TNFRSF21: variants seen among roughly 807,000 people sequenced by gnomAD.
TNFRSF21 encodes TNF receptor superfamily member 21, also known as tumor necrosis factor receptor superfamily member 21.
A neutral mutation model predicts 45.6 loss-of-function variants in TNFRSF21; 19 were observed. That is an observed-to-expected ratio of 0.42 (90% CI 0.29 to 0.61). The LOEUF (loss-of-function observed/expected upper bound fraction) is 0.61. Among genes scored for constraint, TNFRSF21 ranks in the 20% least tolerant of loss-of-function variants. The pLI is 0.23. For synonymous variants in TNFRSF21, 314 were observed against 335.5 expected, an observed-to-expected ratio of 0.94 and a Z score of 0.70; for missense variants, 737 against 851.5, an observed-to-expected ratio of 0.87 and a Z score of 1.67.
rs752242950 is a variant in TNFRSF21 at position 47,286,528 on chromosome 6, C to A, written c.164G>T (p.Arg55Leu). The change falls in exon 2 of 6, where the codon CGC (arginine) becomes CTC (leucine). Residue 55 changes from arginine to leucine, a missense_variant. Transcript: ENST00000296861. ...QKASNLIGTYRHVDRATGQVL... is the reference protein window; with the variant it reads ...QKASNLIGTYLHVDRATGQVL... ...CTGGCCGGTGGCACGGTCAACATGG[C>A]GGTATGTGCCAATGAGATTCGAGGC... 5 of 1,613,986 alleles carry A rather than the reference C, an allele frequency of 3.1e-6. No homozygotes were observed. Among genetic ancestry groups the A allele is most frequent in the East Asian group, 2.2e-5 (1 of 44,858 alleles).
chr6:47,285,912 C>A (rs754690107), intron 2 of TNFRSF21, 32 bp downstream of exon 2: 3 of 1,602,760 alleles, frequency 1.9e-6, no homozygotes, highest in Admixed American at 3.4e-5. Flanking sequence ...TCAAAGCCTT[C>A]CTCAAATAAA....
chr6:47,278,724 C>G (rs1762529838), intron 3 of TNFRSF21, among the ~76,000 whole-genome samples: 1 of 152,210 alleles, frequency 6.6e-6, no homozygotes, highest in South Asian at 2.1e-4. Flanking sequence ...GAAATTGCAT[C>G]TTAGAATCCA....
At chr6:47,245,458 T>TTTG (rs1561939018) in intron 4 of TNFRSF21, among the ~76,000 whole-genome samples, 28 of 107,860 alleles carry the variant, frequency 2.6e-4, no homozygotes, top group Admixed American at 1.3e-3. Flanking sequence ...GTGTGTGTGT[T>TTTG]TGTGTGTGTG....
chr6:47,248,076 T>C (rs1251630611), intron 4 of TNFRSF21, among the ~76,000 whole-genome samples: 1 of 152,218 alleles, frequency 6.6e-6, no homozygotes, highest in Non-Finnish European at 1.5e-5. Context: ...TAACAATTTA[T>C]ATTATTTTAA....
At chr6:47,299,557 G>A (rs1173738770) in intron 1 of TNFRSF21, among the ~76,000 whole-genome samples, 1 of 152,100 alleles carries the variant, frequency 6.6e-6, no homozygotes, top group Admixed American at 6.6e-5. Flanking sequence ...CAAGTAGAAT[G>A]TAAAATAAAA....
chr6:47,255,126 C>G (rs1305096721), intron 3 of TNFRSF21, among the ~76,000 whole-genome samples: 1 of 152,210 alleles, frequency 6.6e-6, no homozygotes, highest in African/African-American at 2.4e-5. Context: ...CATCCTGGCT[C>G]AGCAGTCACT....
chr6:47,234,640 C>T, intron 5 of TNFRSF21, 30 bp downstream of exon 5: 1 of 1,553,666 alleles, frequency 6.4e-7, no homozygotes, highest in Non-Finnish European at 8.8e-7. Flanking sequence ...GGTTTAAGTG[C>T]GTGTGTGAGG....
At chr6:47,293,468 A>G (rs1350549802) in intron 1 of TNFRSF21, among the ~76,000 whole-genome samples, 3 of 152,194 alleles carry the variant, frequency 2.0e-5, no homozygotes, top group Admixed American at 6.5e-5. Context: ...TGGCCTGCAA[A>G]CTTAAAATAT....
chr6:47,280,361 T>A lies in TNFRSF21; in HGVS notation c.1243+3577A>T, dbSNP rs183808010. Among the ~76,000 whole-genome samples, 377 of 152,322 alleles carry A rather than the reference T, an allele frequency of 2.5e-3. 1 individual carries two copies. The highest frequency in any genetic ancestry group is 4.2e-3 in the Non-Finnish European group (289 of 68,030). ...ATGCAATCAGACCAACAAAGCCCTG[T>A]TTCTAGAGGCCTCTCTGAGCACCTG... On this transcript the variant is annotated intron_variant, in intron 3 of 5. Transcript: ENST00000296861.
At chr6:47,264,644 G>A (rs767141980) in intron 3 of TNFRSF21, among the ~76,000 whole-genome samples, 3 of 152,196 alleles carry the variant, frequency 2.0e-5, no homozygotes, top group Non-Finnish European at 4.4e-5. Flanking sequence ...GCCACCTTGT[G>A]CATGAGATAA....
chr6:47,233,073 TAG>T, intron 5 of TNFRSF21, 79 bp from the exon 6 acceptor site: 13 of 1,317,300 alleles, frequency 9.9e-6, no homozygotes, highest in South Asian at 1.3e-5. Flanking sequence ...AGCAGGGTCC[TAG>T]AGAGAGAGAC....
rs754302520 is a variant in TNFRSF21 at position 47,234,824 on chromosome 6, C to T, written c.1584G>A (p.Ala528=). Residue 528 remains alanine, a synonymous_variant, in exon 5 of 6, where the codon GCG becomes GCA. Transcript: ENST00000296861. The part of the protein sequence containing the change: ...LSPSPIPSPN[A]KLENSALLTV... ...TCAGGAGAGCGGAATTCTCAAGTTT[C>T]GCGTTGGGGCTGGGGATGGGGCTCG... 40 of 1,545,164 alleles carry T rather than the reference C, an allele frequency of 2.6e-5. No individual in the cohort carries two copies. The highest frequency in any genetic ancestry group is 3.3e-5 in the Non-Finnish European group (38 of 1,149,508).
intron 4 of TNFRSF21, among the ~76,000 whole-genome samples, chr6:47,247,342 G>T (rs1764837448): frequency 6.6e-6 from 1 of 152,106 alleles, no homozygotes; most frequent in Non-Finnish European, 1.5e-5. Flanking sequence ...CCTCCATGCT[G>T]CAGTAACACA....
chr6:47,292,781 G>C (rs1762744654), intron 1 of TNFRSF21, among the ~76,000 whole-genome samples: 1 of 152,162 alleles, frequency 6.6e-6, no homozygotes, highest in Non-Finnish European at 1.5e-5. Flanking sequence ...GTGAATTTTG[G>C]TGCACATCTT....
chr6:47,307,005 A>G (rs1762949937), intron 1 of TNFRSF21, among the ~76,000 whole-genome samples: 1 of 152,220 alleles, frequency 6.6e-6, no homozygotes, highest in South Asian at 2.1e-4. Context: ...CAGTATCATG[A>G]GATCATCATT....
At chr6:47,251,722 G>A (rs1764903905) in intron 4 of TNFRSF21, among the ~76,000 whole-genome samples, 1 of 152,120 alleles carries the variant, frequency 6.6e-6, no homozygotes, top group South Asian at 2.1e-4. Flanking sequence ...AGAATGCGTG[G>A]CAATGCTTTG....
At chr6:47,253,763 T>C (rs1001335439) in intron 3 of TNFRSF21, among the ~76,000 whole-genome samples, 3 of 152,178 alleles carry the variant, frequency 2.0e-5, no homozygotes, top group Non-Finnish European at 4.4e-5. Flanking sequence ...CATGGAATTA[T>C]AATAAATCAG....
intron 3 of TNFRSF21, among the ~76,000 whole-genome samples, chr6:47,260,971 C>T (rs1765066019): frequency 6.6e-6 from 1 of 152,170 alleles, no homozygotes; most frequent in Non-Finnish European, 1.5e-5. Context: ...TAATACACAA[C>T]CTCCTCCCAG....
chr6:47,305,502 G>A lies in TNFRSF21; in HGVS notation c.96+3914C>T, dbSNP rs911507198. Among the ~76,000 whole-genome samples the A allele has an allele frequency of 4.6e-5, 7 of 152,070 alleles. No homozygotes were observed. In the East Asian group the frequency reaches 7.7e-4, roughly 17 times the overall value. On this transcript the variant is annotated intron_variant, in intron 1 of 5. Transcript: ENST00000296861. ...TCAGCTCTAATTTAAAGTTCTGCTCGAATTTGCCACCAAGTCTTGACATGA... is the reference window on the plus strand; with the variant it reads ...TCAGCTCTAATTTAAAGTTCTGCTCAAATTTGCCACCAAGTCTTGACATGA...
Sources: gnomAD v4.1 joint callset for allele counts (sites outside exome capture counted in the v4.1 genomes callset) on GRCh38, gnomAD v4.1.1 for gene constraint, MANE v1.5 for transcripts, NCBI Gene and HGNC (gene_info 2026-07-23, HGNC 2026-07-21) for gene names.